Variants in LUC7L3 observed in about 807,000 individuals in gnomAD.
LUC7L3 encodes LUC7 like 3 pre-mRNA splicing factor.
In LUC7L3, 6 loss-of-function variants were observed where a neutral mutation model predicts 66.8. The observed-to-expected ratio is 0.09, with a 90% CI of 0.05 to 0.18. The LOEUF (loss-of-function observed/expected upper bound fraction) is 0.18, where lower values mean the gene tolerates loss of function less well. Ranked by LOEUF, LUC7L3 falls within the 10% of genes least tolerant of loss-of-function variation. LUC7L3 has a pLI of 1.00. For synonymous variants in LUC7L3, 160 were observed against 174.7 expected, an observed-to-expected ratio of 0.92 and a Z score of 0.66; for missense variants, 341 against 531.1, an observed-to-expected ratio of 0.64 and a Z score of 3.52.
Position 50,756,216 on chromosome 17 carries a change from A to G in LUC7L3, c.*5555A>G, listed in dbSNP as rs1490540730. 1 of 151,992 alleles carries G rather than the reference A, an allele frequency of 6.6e-6. No homozygotes were observed. The highest frequency in any genetic ancestry group is 1.5e-5 in the Non-Finnish European group (1 of 68,022). The allele number at this position is 151,992 out of a possible 1,614,324, so 9.4% of individuals were successfully genotyped here. On this transcript the variant is annotated 3_prime_UTR_variant, in exon 10 of 10. Coordinates refer to ENST00000505658, the MANE Select transcript of LUC7L3 (RefSeq NM_016424.5). ...TAAAATTTAAAAAGAAGAATGGGAA[A>G]AAAGTCTTGGTGTAGGTAGTTACTA...
intron 4 of LUC7L3, 39 bp from the exon 5 acceptor site, chr17:50,741,618 T>C (rs751679957): frequency 5.2e-6 from 7 of 1,358,758 alleles, no homozygotes; most frequent in Non-Finnish European, 6.3e-6. Flanking sequence ...TTATCTTTGT[T>C]TTCAACTTGT....
chr17:50,747,868 T>A (rs1970775142), intron 9 of LUC7L3, among the ~76,000 whole-genome samples: 1 of 152,214 alleles, frequency 6.6e-6, no homozygotes, highest in Admixed American at 6.5e-5. Context: ...GCCATTCAAG[T>A]TGAGAACTTG....
rs1275053840 is a variant in LUC7L3, at chr17:50,751,341, A to T, written c.*680A>T. 3 of 1,297,414 alleles carry T rather than the reference A, an allele frequency of 2.3e-6. No individual in the cohort carries two copies. Among genetic ancestry groups the T allele is most frequent in the Non-Finnish European group, 3.0e-6 (3 of 994,222 alleles). 80.4% of individuals were successfully genotyped at this position (1,297,414 alleles called of 1,614,324 possible). On this transcript the variant is annotated 3_prime_UTR_variant, in exon 10 of 10. Coordinates refer to ENST00000505658, the MANE Select transcript of LUC7L3 (RefSeq NM_016424.5). ...CCATGAAAAGCCAAATTAAAAATCA[A>T]GGATTCAGTCAAACTAAGCAGGTAC...
intron 9 of LUC7L3, among the ~76,000 whole-genome samples, chr17:50,747,526 G>A (rs1021758405): frequency 2.6e-5 from 4 of 151,922 alleles, no homozygotes; most frequent in African/African-American, 9.7e-5. Flanking sequence ...GATTTTCTCA[G>A]CTCTCCTTGT....
At chr17:50,726,474 T>TG (rs1044981956) in intron 1 of LUC7L3, among the ~76,000 whole-genome samples, 1 of 152,054 alleles carries the variant, frequency 6.6e-6, no homozygotes, top group African/African-American at 2.4e-5. Flanking sequence ...GCCTGGCCTA[T>TG]GTACAATACC....
chr17:50,721,240 T>G (rs1349571163), intron 1 of LUC7L3, among the ~76,000 whole-genome samples: 1 of 152,194 alleles, frequency 6.6e-6, no homozygotes, highest in African/African-American at 2.4e-5. Flanking sequence ...TTTGTATATT[T>G]TGAATTCAAG....
chr17:50,721,359 T>C (rs1473727218), intron 1 of LUC7L3, among the ~76,000 whole-genome samples: 1 of 152,200 alleles, frequency 6.6e-6, no homozygotes, highest in Non-Finnish European at 1.5e-5. Context: ...CGGGGTAATT[T>C]GTTGCCACAT....
intron 1 of LUC7L3, among the ~76,000 whole-genome samples, chr17:50,727,387 C>CA (rs1388222421): frequency 1.3e-5 from 2 of 152,182 alleles, no homozygotes; most frequent in East Asian, 3.9e-4. Context: ...CTAGCATGCG[C>CA]AAAGATCACA....
chr17:50,719,667 G>C lies in LUC7L3; in HGVS notation c.-66G>C. ...AGAGCGGGCCGAGGAGATTGGCGAC[G>C]GTGTCGCCCGTGTTTTCGTTGGCGG... On this transcript the variant is annotated 5_prime_UTR_variant, in exon 1 of 10. Transcript: ENST00000505658. 1.5e-6 allele frequency: 2 copies of C among 1,338,876 alleles called. No homozygotes were observed. The highest frequency in any genetic ancestry group is 2.5e-5 in the South Asian group (2 of 81,280). 82.9% of individuals were successfully genotyped at this position (1,338,876 alleles called of 1,614,324 possible).
At chr17:50,741,298 CAG>C in intron 4 of LUC7L3, 52 bp downstream of exon 4, 2 of 1,546,320 alleles carry the variant, frequency 1.3e-6, no homozygotes, top group Non-Finnish European at 1.8e-6. Flanking sequence ...TCTGGAGATT[CAG>C]AGACCTCCCT....
rs1452332798 is a variant in LUC7L3, at chr17:50,755,499, T to TAA, written c.*4840_*4841dup. ...TTTCAAGTAAGCCAAAGCAGAGAAG[T>TAA]AAATGTATTTTTCATTGTTGTATCA... On this transcript the variant is annotated 3_prime_UTR_variant, in exon 10 of 10. Transcript: ENST00000505658. The TAA allele has an allele frequency of 6.6e-6, 1 of 152,192 alleles. No individual in the cohort carries two copies. Among genetic ancestry groups the TAA allele is most frequent in the Non-Finnish European group, 1.5e-5 (1 of 68,034 alleles). 9.4% of individuals were successfully genotyped at this position (152,192 alleles called of 1,614,324 possible).
In LUC7L3 at chr17:50,741,741, G is replaced by A. The variant is rs200037704; in HGVS notation, c.426+10G>A. On this transcript the variant is annotated intron_variant, in intron 5 of 9. Transcript: ENST00000505658. Reference sequence around the variant, plus strand: ...TGTACTTCTGCAACAGGTGAGAATTGTGTGCATTAATGTCAGGAAGTAATG... The same window carrying A: ...TGTACTTCTGCAACAGGTGAGAATTATGTGCATTAATGTCAGGAAGTAATG... 6.2e-7 allele frequency: 1 copy of A among 1,603,082 alleles called. No individual in the cohort carries two copies. Among genetic ancestry groups the A allele is most frequent in the Non-Finnish European group, 8.5e-7 (1 of 1,170,578 alleles).
chr17:50,725,303 G>T (rs558171866), intron 1 of LUC7L3, among the ~76,000 whole-genome samples: 2 of 152,086 alleles, frequency 1.3e-5, no homozygotes, highest in Middle Eastern at 6.8e-3. Flanking sequence ...CCAGCTACTC[G>T]GGAGGCTGAG....
In LUC7L3 at chr17:50,746,473, G is replaced by A. The variant is rs191639488; in HGVS notation, c.978-69G>A. On this transcript the variant is annotated intron_variant, in intron 8 of 9. Coordinates refer to ENST00000505658, the MANE Select transcript of LUC7L3 (RefSeq NM_016424.5). ...TTTTGCCTAGTCTTGTTAATTAATA[G>A]CATCTACTCCAAGGCCTTTACTTAT... 7,280 of 1,364,146 alleles carry A rather than the reference G, an allele frequency of 5.3e-3. 45 individuals are homozygous for A. The highest frequency in any genetic ancestry group is 5.4e-3 in the Non-Finnish European group (5,357 of 988,878). The allele number at this position is 1,364,146 out of a possible 1,614,324, so 84.5% of individuals were successfully genotyped here. A position where few individuals can be genotyped will look rare whatever the true frequency, so the allele number is the denominator to read the frequency against.
At chr17:50,727,897 G>T (rs1303035362) in intron 1 of LUC7L3, among the ~76,000 whole-genome samples, 3 of 150,696 alleles carry the variant, frequency 2.0e-5, no homozygotes, top group African/African-American at 4.9e-5. Context: ...GAGGTCAGGA[G>T]ATCGAGACCA....
chr17:50,728,433 C>T (rs1468333813), intron 1 of LUC7L3, among the ~76,000 whole-genome samples: 1 of 151,968 alleles, frequency 6.6e-6, no homozygotes, highest in East Asian at 1.9e-4. Context: ...GGGGGTTTAT[C>T]TTTAACACAG....
At chr17:50,720,570 T>G (rs1968677896) in intron 1 of LUC7L3, among the ~76,000 whole-genome samples, 1 of 152,230 alleles carries the variant, frequency 6.6e-6, no homozygotes, top group Non-Finnish European at 1.5e-5. Context: ...ATGAAACTGG[T>G]TCTCTGCACC....
intron 1 of LUC7L3, among the ~76,000 whole-genome samples, chr17:50,730,450 A>G (rs961049662): frequency 4.6e-5 from 6 of 130,198 alleles, no homozygotes; most frequent in African/African-American, 1.7e-4. Flanking sequence ...CCTGGGAGGT[A>G]GAGGTAGTGA....
chr17:50,749,245 C>T (rs1409814323), intron 9 of LUC7L3: 5 of 1,288,610 alleles, frequency 3.9e-6, no homozygotes, highest in Admixed American at 4.6e-5. Context: ...ATTGGACTGA[C>T]TACTAGTCCT....
Sources: gnomAD v4.1 joint callset for allele counts (sites outside exome capture counted in the v4.1 genomes callset) on GRCh38, gnomAD v4.1.1 for gene constraint, MANE v1.5 for transcripts, NCBI Gene and HGNC (gene_info 2026-07-23, HGNC 2026-07-21) for gene names.